The following PDE4D variants were observed in gnomAD, a reference collection of about 807,000 sequenced individuals.
PDE4D encodes 3',5'-cyclic-AMP phosphodiesterase 4D.
Under a neutral mutation model 87.4 loss-of-function variants are expected in PDE4D, and 24 were observed. The observed-to-expected ratio is 0.27, with a 90% CI of 0.20 to 0.39. PDE4D has a LOEUF of 0.39. PDE4D is among the 10% of genes least tolerant of loss of function. The pLI, the probability that PDE4D is intolerant of heterozygous loss-of-function variation, is 1.00. For synonymous variants in PDE4D, 384 were observed against 383.2 expected (o/e 1.00, Z -0.02); for missense variants, 714 against 1,041.0 (o/e 0.69, Z 4.32).
chr5:59,543,579 T>A (rs1816738014), intron 1 of PDE4D, among the ~76,000 whole-genome samples: 1 of 151,986 alleles, frequency 6.6e-6, no homozygotes, highest in Non-Finnish European at 1.5e-5. Context: ...TTTAGAGAGG[T>A]CAACTGCCTG....
chr5:60,477,529 A>G (rs1043188241), intron 1 of PDE4D, among the ~76,000 whole-genome samples: 5 of 152,154 alleles, frequency 3.3e-5, no homozygotes, highest in South Asian at 2.1e-4. Context: ...GGCTGTTAAG[A>G]TGGAGGAAAA....
At chr5:60,025,628 G>A (rs1470625042) in intron 2 of PDE4D, among the ~76,000 whole-genome samples, 2 of 151,810 alleles carry the variant, frequency 1.3e-5, no homozygotes, top group Non-Finnish European at 1.5e-5. Context: ...AAGAGACTTA[G>A]AAAGCTTGTG....
intron 1 of PDE4D, among the ~76,000 whole-genome samples, chr5:60,397,726 C>T (rs1021579757): frequency 2.0e-5 from 3 of 152,288 alleles, no homozygotes; most frequent in Middle Eastern, 3.4e-3. Context: ...GGATCTATTA[C>T]ACAAGGTGTT....
chr5:59,344,981 G>T (rs1387342688), intron 1 of PDE4D, among the ~76,000 whole-genome samples: 3 of 152,008 alleles, frequency 2.0e-5, no homozygotes, highest in Non-Finnish European at 4.4e-5. Context: ...AACTTTATAT[G>T]CCAGAAGCCG....
chr5:60,096,739 C>T (rs1273874925), intron 2 of PDE4D, among the ~76,000 whole-genome samples: 5 of 151,952 alleles, frequency 3.3e-5, no homozygotes, highest in Non-Finnish European at 7.4e-5. Context: ...AGGCTGAAAC[C>T]CTGAAAGCTA....
At chr5:60,387,963 T>A (rs1762308837) in intron 1 of PDE4D, among the ~76,000 whole-genome samples, 1 of 152,190 alleles carries the variant, frequency 6.6e-6, no homozygotes, top group Admixed American at 6.5e-5. Flanking sequence ...CCATGACCCC[T>A]TCTTTGGGTT....
At chr5:59,671,117 ATACTGT>A (rs1747128487) in intron 1 of PDE4D, among the ~76,000 whole-genome samples, 2 of 152,232 alleles carry the variant, frequency 1.3e-5, no homozygotes, top group Non-Finnish European at 2.9e-5. Flanking sequence ...GCAGAGTCAA[ATACTGT>A]TAGTGTATCT....
At chr5:60,238,453 A>T (rs1203995399) in intron 1 of PDE4D, among the ~76,000 whole-genome samples, 1 of 152,080 alleles carries the variant, frequency 6.6e-6, no homozygotes, top group East Asian at 1.9e-4. Flanking sequence ...CCTTCAAGAT[A>T]TGCAAATGTT....
intron 1 of PDE4D, among the ~76,000 whole-genome samples, chr5:59,803,963 C>T (rs1333666361): frequency 1.6e-4 from 24 of 152,124 alleles, no homozygotes; most frequent in Admixed American, 1.6e-3. Context: ...TTATATATAG[C>T]TTATAATATT....
chr5:59,762,893 A>ATG lies in PDE4D; in HGVS notation c.455+130274_455+130275insCA, dbSNP rs70975330. Reference sequence around the variant, plus strand: ...TATATATATATATATATATATATATAGCTTGCTCTTTCTCATTTTATAGTA... The same window carrying ATG: ...TATATATATATATATATATATATATATGGCTTGCTCTTTCTCATTTTATAGTA... On this transcript the variant is annotated intron_variant, in intron 1 of 14. Transcript: ENST00000340635. Among the ~76,000 whole-genome samples the ATG allele has an allele frequency of 9.4e-5, 10 of 105,906 alleles. 1 individual carries two copies. Among genetic ancestry groups the ATG allele is most frequent in the Non-Finnish European group, 1.2e-4 (6 of 50,504 alleles). 69.5% of individuals were successfully genotyped at this position (105,906 alleles called of 152,430 possible). A position where few individuals can be genotyped will look rare whatever the true frequency, so the allele number is the denominator to read the frequency against.
chr5:59,867,711 T>C (rs914152046), intron 1 of PDE4D, among the ~76,000 whole-genome samples: 1 of 152,138 alleles, frequency 6.6e-6, no homozygotes, highest in Non-Finnish European at 1.5e-5. Context: ...CTGGTGAAAT[T>C]ATGTCTCATC....
intron 1 of PDE4D, among the ~76,000 whole-genome samples, chr5:60,251,681 C>T (rs1748480408): frequency 6.6e-6 from 1 of 151,776 alleles, no homozygotes; most frequent in Admixed American, 6.6e-5. Flanking sequence ...ATATGACTAC[C>T]TGTGTCTTTA....
At chr5:59,384,643 A>G (rs1157990509) in intron 1 of PDE4D, among the ~76,000 whole-genome samples, 1 of 152,184 alleles carries the variant, frequency 6.6e-6, no homozygotes, top group Non-Finnish European at 1.5e-5. Flanking sequence ...AATTATACTG[A>G]AAACCTTATT....
intron 2 of PDE4D, among the ~76,000 whole-genome samples, chr5:60,150,743 A>G (rs1006361430): frequency 1.3e-5 from 2 of 152,184 alleles, no homozygotes; most frequent in Non-Finnish European, 2.9e-5. Context: ...ACAGAGATAG[A>G]AGACTTGGCC....
chr5:59,843,085 T>A (rs925675664), intron 1 of PDE4D, among the ~76,000 whole-genome samples: 3 of 151,996 alleles, frequency 2.0e-5, no homozygotes, highest in Admixed American at 6.6e-5. Flanking sequence ...TTATTTATTT[T>A]TTTACCTCAG....
intron 2 of PDE4D, among the ~76,000 whole-genome samples, chr5:59,205,626 G>A (rs531114445): frequency 6.8e-6 from 1 of 146,086 alleles, no homozygotes; most frequent in East Asian, 2.0e-4. Flanking sequence ...GACTCTCGGT[G>A]CTGTCTAATA....
intron 1 of PDE4D, among the ~76,000 whole-genome samples, chr5:59,672,426 T>C (rs1348984578): frequency 6.6e-6 from 1 of 152,178 alleles, no homozygotes; most frequent in Non-Finnish European, 1.5e-5. Context: ...ATGCAGTCAA[T>C]GAACCAAAGA....
intron 3 of PDE4D, among the ~76,000 whole-genome samples, chr5:59,932,395 A>C (rs1756063737): frequency 6.6e-6 from 1 of 152,190 alleles, no homozygotes. Context: ...TCTACTTTGC[A>C]ACTCTTGTTT....
chr5:59,112,610 G>A (rs542799465), intron 5 of PDE4D, among the ~76,000 whole-genome samples: 9 of 152,112 alleles, frequency 5.9e-5, no homozygotes, highest in South Asian at 4.2e-4. Flanking sequence ...TATTAGATAC[G>A]AGATGTTCTA....
Sources: gnomAD v4.1 joint callset for allele counts (sites outside exome capture counted in the v4.1 genomes callset) on GRCh38, gnomAD v4.1.1 for gene constraint, MANE v1.5 for transcripts, NCBI Gene and HGNC (gene_info 2026-07-23, HGNC 2026-07-21) for gene names.